CWC22: variants seen among roughly 807,000 people sequenced by gnomAD.
The protein encoded by CWC22 is pre-mRNA-splicing factor CWC22 homolog.
Under a neutral mutation model 117.2 loss-of-function variants are expected in CWC22, and 53 were observed. That is an observed-to-expected ratio of 0.45 (90% CI 0.36 to 0.57). The LOEUF is 0.57. Ranked by LOEUF, CWC22 falls within the 20% of genes least tolerant of loss-of-function variation. CWC22 has a pLI of 0.00. For synonymous variants in CWC22, 360 were observed against 355.6 expected (o/e 1.01, Z -0.14); for missense variants, 980 against 1,068.8 (o/e 0.92, Z 1.16).
intron 19 of CWC22, among the ~76,000 whole-genome samples, chr2:179,949,615 A>G (rs538766730): frequency 2.4e-4 from 36 of 152,324 alleles, no homozygotes; most frequent in African/African-American, 7.5e-4. Flanking sequence ...AACTGACAGT[A>G]TTCACCAAAG....
chr2:179,976,882 C>T (rs1472834371), intron 6 of CWC22, among the ~76,000 whole-genome samples: 3 of 152,126 alleles, frequency 2.0e-5, no homozygotes, highest in Admixed American at 6.5e-5. Flanking sequence ...CAGCCAGGTG[C>T]GGTGGCTCAC....
At chr2:179,986,855 T>A in intron 3 of CWC22, 50 bp from the exon 4 acceptor site, 1 of 1,026,506 alleles carries the variant, frequency 9.7e-7, no homozygotes, top group Non-Finnish European at 1.4e-6. Context: ...AACTATGTTA[T>A]AAATATTTAG....
At chr2:179,986,108 G>A (rs1290698060) in intron 4 of CWC22, among the ~76,000 whole-genome samples, 5 of 151,912 alleles carry the variant, frequency 3.3e-5, no homozygotes, top group African/African-American at 1.2e-4. Context: ...CTTACCATCT[G>A]CCTTCCATTC....
intron 5 of CWC22, among the ~76,000 whole-genome samples, 186 bp from the exon 6 acceptor site, chr2:179,978,504 C>G (rs1051795043): frequency 1.3e-5 from 2 of 151,948 alleles, no homozygotes; most frequent in African/African-American, 4.8e-5. Context: ...ATTTGATTTT[C>G]TATACATATG....
chr2:179,982,900 C>T (rs1390176596), intron 4 of CWC22, among the ~76,000 whole-genome samples: 2 of 152,050 alleles, frequency 1.3e-5, no homozygotes, highest in Non-Finnish European at 2.9e-5. Flanking sequence ...TTTTGGGTAA[C>T]CATGAGTTAT....
chr2:179,947,974 C>A (rs555139691), intron 19 of CWC22, among the ~76,000 whole-genome samples: 1 of 152,292 alleles, frequency 6.6e-6, no homozygotes, highest in Non-Finnish European at 1.5e-5. Flanking sequence ...CAGAGCTGAC[C>A]TTGGGTAAAA....
At position 179,970,637 on chromosome 2, in the gene CWC22, GC is replaced by G. The variant is rs1274755082; in HGVS notation, c.1147+12del. 6.2e-7 allele frequency: 1 copy of G among 1,608,430 alleles called. No individual in the cohort carries two copies. The highest frequency in any genetic ancestry group is 2.2e-5 in the East Asian group (1 of 44,816). On this transcript the variant is annotated intron_variant, in intron 10 of 19. Transcript: ENST00000410053. ...TGGTAAGCCTCTTTCCAACTAACAT[GC>G]CCCGGACTTACTAAGAACATCTTCT... is the stretch of plus-strand genomic sequence containing the variant.
chr2:179,984,242 G>A (rs1396973771), intron 4 of CWC22, among the ~76,000 whole-genome samples: 3 of 152,036 alleles, frequency 2.0e-5, no homozygotes, highest in Admixed American at 2.0e-4. Flanking sequence ...CCTCAGGTAA[G>A]CTACTTAATA....
intron 14 of CWC22, among the ~76,000 whole-genome samples, chr2:179,957,946 G>T (rs574112808): frequency 2.6e-4 from 40 of 152,260 alleles, no homozygotes; most frequent in African/African-American, 9.4e-4. Flanking sequence ...ATATCAAGCT[G>T]TAAGACAGTG....
chr2:180,003,273 GA>G (rs1687888656), intron 1 of CWC22, among the ~76,000 whole-genome samples: 1 of 152,086 alleles, frequency 6.6e-6, no homozygotes, highest in Non-Finnish European at 1.5e-5. Context: ...TGAGTGAGAT[GA>G]AAAAAATACT....
At position 179,970,688 on chromosome 2, in the gene CWC22, A is replaced by G; in HGVS notation, c.1109T>C (p.Leu370Pro). Reference protein sequence around the residue: ...VEEDDQFTHMLPLEDDYNPED... With the variant: ...VEEDDQFTHMPPLEDDYNPED... ...TGGATTATAGTCATCCTCCAGAGGGAGCATATGAGTGAATTGATCATCTTC... is the reference window on the plus strand; with the variant it reads ...TGGATTATAGTCATCCTCCAGAGGGGGCATATGAGTGAATTGATCATCTTC... The change falls in exon 10 of 20, where the codon CTC becomes CCC. Residue 370 changes from leucine (L) to proline (P), a missense_variant. Coordinates refer to ENST00000410053, the MANE Select transcript of CWC22 (RefSeq NM_020943.3). 6.2e-7 allele frequency: 1 copy of G among 1,613,666 alleles called. No individual in the cohort carries two copies. Among genetic ancestry groups the G allele is most frequent in the Non-Finnish European group, 8.5e-7 (1 of 1,179,748 alleles).
intron 11 of CWC22, among the ~76,000 whole-genome samples, chr2:179,967,320 TAG>T (rs1339351734): frequency 1.3e-5 from 2 of 152,238 alleles, no homozygotes; most frequent in Non-Finnish European, 2.9e-5. Flanking sequence ...CTCTCCACTT[TAG>T]ACTCTACTTA....
At chr2:179,950,244 G>T (rs1686409857) in intron 19 of CWC22, among the ~76,000 whole-genome samples, 2 of 152,066 alleles carry the variant, frequency 1.3e-5, no homozygotes, top group Admixed American at 6.6e-5. Context: ...ATTATGAATG[G>T]ATGGTTCATA....
Position 179,954,950 on chromosome 2 carries a change from A to C in CWC22, c.1536+7T>G. ...TAAGAATTCCCTCAGTAGAGGCTGG[A>C]ACTCACCCCAGCTAATAAGCCAAAA... On this transcript the variant is annotated splice_region_variant and intron_variant, in intron 15 of 19. Coordinates refer to ENST00000410053, the MANE Select transcript of CWC22 (RefSeq NM_020943.3). 1 of 1,506,564 alleles carries C rather than the reference A, an allele frequency of 6.6e-7. No individual in the cohort carries two copies. Among genetic ancestry groups the C allele is most frequent in the South Asian group, 1.2e-5 (1 of 85,174 alleles). The allele number at this position is 1,506,564 out of a possible 1,614,324, so 93.3% of individuals were successfully genotyped here. A position where few individuals can be genotyped will look rare whatever the true frequency, so the allele number is the denominator to read the frequency against.
intron 13 of CWC22, among the ~76,000 whole-genome samples, chr2:179,960,915 T>C (rs566660355): frequency 1.3e-5 from 2 of 152,102 alleles, no homozygotes; most frequent in East Asian, 3.9e-4. Context: ...GTAAATGATA[T>C]ATTATTCTAT....
chr2:179,973,184 ATTAC>A lies in CWC22; in HGVS notation c.804+5_804+8del. 6.3e-7 allele frequency: 1 copy of A among 1,586,050 alleles called. No homozygotes were observed. Among genetic ancestry groups the A allele is most frequent in the Non-Finnish European group, 8.6e-7 (1 of 1,162,166 alleles). ...TGAATGGGACCAAGTATTGAAGATA[ATTAC>A]TTACCACATTTTGGTTAATAAGATG... is the stretch of plus-strand genomic sequence containing the variant. On this transcript the variant is annotated splice_donor_5th_base_variant and intron_variant, in intron 8 of 19. Coordinates refer to ENST00000410053, the MANE Select transcript of CWC22 (RefSeq NM_020943.3).
chr2:179,956,773 T>C (rs2105512818), intron 14 of CWC22, among the ~76,000 whole-genome samples: 1 of 150,872 alleles, frequency 6.6e-6, no homozygotes, highest in East Asian at 2.0e-4. Context: ...TATACGAAAA[T>C]TCACTTTCAA....
intron 11 of CWC22, among the ~76,000 whole-genome samples, chr2:179,966,221 A>G (rs1267434850): frequency 6.6e-6 from 1 of 152,186 alleles, no homozygotes; most frequent in Non-Finnish European, 1.5e-5. Flanking sequence ...TCCATGAAAC[A>G]AGGAGATGAA....
In CWC22 at chr2:179,970,793, A is replaced by G; in HGVS notation, c.1004T>C (p.Met335Thr). 1 of 1,613,682 alleles carries G rather than the reference A, an allele frequency of 6.2e-7. No homozygotes were observed. Among genetic ancestry groups the G allele is most frequent in the East Asian group, 2.2e-5 (1 of 44,860 alleles). The part of the protein sequence containing the change: ...ESEIDKRVQY[M>T]IEVMFAVRKD... The stretch of plus-strand genomic sequence containing the variant: ...CCGTACAGCAAACATCACTTCAATC[A>G]TATATTGAACTCTTTTGTCAATTTC... Residue 335 changes from methionine (M) to threonine (T), a missense_variant, in exon 10 of 20, where the codon ATG becomes ACG. Met to Thr is a moderately conservative substitution (Grantham distance 81). Coordinates refer to ENST00000410053, the MANE Select transcript of CWC22 (RefSeq NM_020943.3).
Sources: gnomAD v4.1 joint callset for allele counts (sites outside exome capture counted in the v4.1 genomes callset) on GRCh38, gnomAD v4.1.1 for gene constraint, MANE v1.5 for transcripts, NCBI Gene and HGNC (gene_info 2026-07-23, HGNC 2026-07-21) for gene names.